The following KIF17 variants were observed in gnomAD, a reference collection of about 807,000 sequenced individuals.
KIF17 encodes the protein kinesin family member 17, also known as kinesin-like protein KIF17.
KIF17 carries 80 observed loss-of-function variants against 96.8 expected under a neutral mutation model. That is an observed-to-expected ratio of 0.83 (90% CI 0.69 to 1.00). The LOEUF (loss-of-function observed/expected upper bound fraction) is 1.00. KIF17 is among the 50% of genes least tolerant of loss of function. The probability of loss-of-function intolerance (pLI) is 0.00; values close to 1 mark genes in which losing one functional copy is unlikely to be tolerated. For synonymous variants in KIF17, 567 were observed against 587.5 expected (o/e 0.97, Z 0.51); for missense variants, 1,280 against 1,372.9 (o/e 0.93, Z 1.07).
chr1:20,707,367 G>A (rs896075139), intron 4 of KIF17, among the ~76,000 whole-genome samples: 5 of 152,210 alleles, frequency 3.3e-5, no homozygotes, highest in African/African-American at 4.8e-5. Context: ...ATGAAGACAC[G>A]GTGACAGTAA....
intron 5 of KIF17, among the ~76,000 whole-genome samples, chr1:20,703,741 G>A (rs1486816637): frequency 6.6e-6 from 1 of 152,060 alleles, no homozygotes; most frequent in Non-Finnish European, 1.5e-5. Context: ...GGGATGAATG[G>A]ACAGACAGAC....
In KIF17 at chr1:20,687,535, C is replaced by T. The variant is rs374828050; in HGVS notation, c.1791G>A (p.Pro597=). Residue 597 remains proline, a synonymous_variant, in exon 8 of 15, where the codon CCG becomes CCA. Transcript: ENST00000400463. The surrounding 1 kb of genome is among the most constrained non-coding windows in gnomAD (Gnocchi z 4.4). ...GHLLGEQNYL[P]QEEPQEVPLQ... ...GGGGCACCTCCTGCGGCTCCTCTTG[C>T]GGGAGGTAGTTCTGTTCCCCCAGCA... is the stretch of plus-strand genomic sequence containing the variant. The T allele has an allele frequency of 3.7e-5, 60 of 1,613,216 alleles. No individual in the cohort carries two copies. The highest frequency in any genetic ancestry group is 6.7e-5 in the East Asian group (3 of 44,856).
intron 6 of KIF17, 107 bp downstream of exon 6, chr1:20,698,272 G>T: frequency 3.9e-6 from 3 of 773,324 alleles, no homozygotes; most frequent in African/African-American, 1.7e-5. Context: ...CCAAACCCAC[G>T]GTGAAGGTAC....
intron 13 of KIF17, among the ~76,000 whole-genome samples, chr1:20,668,691 TG>T (rs900156526): frequency 1.3e-5 from 2 of 152,206 alleles, no homozygotes; most frequent in African/African-American, 4.8e-5. Flanking sequence ...ATATTTGTAA[TG>T]GCTTAAGGCA....
Position 20,682,730 on chromosome 1 carries a change from C to A in KIF17, c.2386G>T (p.Val796Leu). Residue 796 changes from valine to leucine, a missense_variant, in exon 11 of 15, where the codon GTG becomes TTG. Coordinates refer to ENST00000400463, the MANE Select transcript of KIF17 (RefSeq NM_001122819.3). ...QNSDEDSGDW[V>L]LLNVYDSIQE... is the part of the protein sequence containing the mutation. ...ATGGAGTCGTAGACGTTAAGCAGCA[C>A]CCAGTCCCCGCTGTCCTCATCCGAG... 6.2e-7 allele frequency: 1 copy of A among 1,613,594 alleles called. No homozygotes were observed. Among genetic ancestry groups the A allele is most frequent in the Non-Finnish European group, 8.5e-7 (1 of 1,180,046 alleles).
intron 1 of KIF17, among the ~76,000 whole-genome samples, chr1:20,716,109 G>A (rs1222605057): frequency 1.3e-5 from 2 of 152,138 alleles, no homozygotes; most frequent in Non-Finnish European, 2.9e-5. Context: ...TTAGCCGGGT[G>A]TGGTGGTGAG....
At chr1:20,663,896 C>A (rs1041745535), downstream of KIF17, 19 of 157,952 alleles carry the variant, frequency 1.2e-4, no homozygotes, top group African/African-American at 4.3e-4. Flanking sequence ...GCTGCAGAAA[C>A]CCTGGAGGTC....
chr1:20,696,548 G>A (rs932295507), intron 6 of KIF17, among the ~76,000 whole-genome samples: 3 of 151,852 alleles, frequency 2.0e-5, no homozygotes, highest in African/African-American at 7.3e-5. Context: ...ACCCCCATCC[G>A]TGGCACTCCA....
At position 20,704,387 on chromosome 1, in the gene KIF17, G is replaced by C; in HGVS notation, c.1123+60C>G. 6 of 1,391,484 alleles carry C rather than the reference G, an allele frequency of 4.3e-6. No homozygotes were observed. Among genetic ancestry groups the C allele is most frequent in the Non-Finnish European group, 6.0e-6 (6 of 997,350 alleles). The allele number at this position is 1,391,484 out of a possible 1,614,324, so 86.2% of individuals were successfully genotyped here. A position where few individuals can be genotyped will look rare whatever the true frequency, so the allele number is the denominator to read the frequency against. ...GGGAAGTTGGAGGCGAGAAGACAGA[G>C]GGAAGGAAGCTTTCTCCTGGGGACC... is the stretch of plus-strand genomic sequence containing the variant. On this transcript the variant is annotated intron_variant, in intron 5 of 14. Transcript: ENST00000400463. This position sits in a 1 kb window ranked among gnomAD's most constrained non-coding sequence, Gnocchi z 6.8.
intron 11 of KIF17, among the ~76,000 whole-genome samples, chr1:20,673,311 T>C (rs12118760): frequency 0.17 from 25,321 of 152,150 alleles, 2,769 homozygotes; most frequent in Non-Finnish European, 0.24. Flanking sequence ...AGGACATGGG[T>C]GGGCAGGACA....
In KIF17 at chr1:20,699,529, G is replaced by A. The variant is rs2054196160; in HGVS notation, c.1124-1041C>T. 6.6e-6 allele frequency among the ~76,000 whole-genome samples: 1 copy of A among 152,220 alleles called. No individual in the cohort carries two copies. Among genetic ancestry groups the A allele is most frequent in the African/African-American group, 2.4e-5 (1 of 41,454 alleles). On this transcript the variant is annotated intron_variant, in intron 5 of 14. Coordinates refer to ENST00000400463, the MANE Select transcript of KIF17 (RefSeq NM_001122819.3). This position sits in a 1 kb window ranked among gnomAD's most constrained non-coding sequence, Gnocchi z 4.3. ...TGCAGTGAGCTGAGATGGCGCCACTGCACTCCAGCCTGGGCGAAAGAGCAA... is the reference window on the plus strand; with the variant it reads ...TGCAGTGAGCTGAGATGGCGCCACTACACTCCAGCCTGGGCGAAAGAGCAA...
chr1:20,705,077 TTC>T (rs1195513860), intron 4 of KIF17, among the ~76,000 whole-genome samples, 178 bp from the exon 5 acceptor site: 1 of 152,104 alleles, frequency 6.6e-6, no homozygotes, highest in Non-Finnish European at 1.5e-5. Flanking sequence ...TAGACTGAGG[TTC>T]AGAGAGGGCA....
chr1:20,706,408 T>C (rs886677816), intron 4 of KIF17, among the ~76,000 whole-genome samples: 1 of 151,360 alleles, frequency 6.6e-6, no homozygotes, highest in Non-Finnish European at 1.5e-5. Context: ...CTGGCCAACA[T>C]GGTGAAACCT....
rs1156938285 is a variant in KIF17 at position 20,704,484 on chromosome 1, GGCCTTGAGCTTC to G, written c.1074_1085del (p.Lys358_Ala362delinsAsn). The G allele has an allele frequency of 6.2e-7, 1 of 1,614,056 alleles. No homozygotes were observed. Among genetic ancestry groups the G allele is most frequent in the African/African-American group, 1.3e-5 (1 of 74,932 alleles). On this transcript the variant is annotated inframe_deletion, in exon 5 of 15. Coordinates refer to ENST00000400463, the MANE Select transcript of KIF17 (RefSeq NM_001122819.3). The surrounding 1 kb of genome is among the most constrained non-coding windows in gnomAD (Gnocchi z 6.8). The stretch of plus-strand genomic sequence containing the variant: ...TGGGGCTCATCTGCTGTGTCAGGAT[GGCCTTGAGCTTC>G]TTGATCTCCTCCTGGTACTCGCGAA...
chr1:20,687,580 C>G lies in KIF17; in HGVS notation c.1746G>C (p.Gly582=). The G allele has an allele frequency of 6.2e-7, 1 of 1,614,038 alleles. No individual in the cohort carries two copies. The highest frequency in any genetic ancestry group is 8.5e-7 in the Non-Finnish European group (1 of 1,179,984). The stretch of plus-strand genomic sequence containing the variant: ...CCAGCAGGTGCCCAGCGGCCTCCTG[C>G]CCGAGGCACTCATCCAGGAAGTATC... ...RSRYFLDECL[G]QEAAGHLLGE... is the part of the protein sequence containing the mutation. Residue 582 remains glycine, a synonymous_variant, in exon 8 of 15, where the codon GGG becomes GGC. Coordinates refer to ENST00000400463, the MANE Select transcript of KIF17 (RefSeq NM_001122819.3). The surrounding 1 kb of genome is among the most constrained non-coding windows in gnomAD (Gnocchi z 4.4).
intron 8 of KIF17, 199 bp from the exon 9 acceptor site, chr1:20,686,325 A>T: frequency 1.6e-6 from 1 of 635,412 alleles, no homozygotes; most frequent in Non-Finnish European, 2.9e-6. Flanking sequence ...GAAACGGAAG[A>T]CAGGCGTGTG....
In KIF17 at chr1:20,700,398, A is replaced by T. The variant is rs1171618530; in HGVS notation, c.1124-1910T>A. Among the ~76,000 whole-genome samples the T allele has an allele frequency of 6.6e-6, 1 of 152,038 alleles. No homozygotes were observed. Among genetic ancestry groups the T allele is most frequent in the Non-Finnish European group, 1.5e-5 (1 of 67,998 alleles). On this transcript the variant is annotated intron_variant, in intron 5 of 14. Transcript: ENST00000400463. This position sits in a 1 kb window ranked among gnomAD's most constrained non-coding sequence, Gnocchi z 4.6. ...GCTGTAGCCAGTTTTGAAGGTGGAGATGGCAGGATCTGCTGACCAACTGGA... is the reference window on the plus strand; with the variant it reads ...GCTGTAGCCAGTTTTGAAGGTGGAGTTGGCAGGATCTGCTGACCAACTGGA...
downstream of KIF17, among the ~76,000 whole-genome samples, chr1:20,662,717 T>A (rs572040179): frequency 2.0e-5 from 3 of 152,122 alleles, no homozygotes; most frequent in Non-Finnish European, 4.4e-5. Flanking sequence ...AGCAGCCTCG[T>A]CCCCTCTCAG....
rs1570479256 is a variant in KIF17 at position 20,709,478 on chromosome 1, G to A, written c.670+161C>T. On this transcript the variant is annotated intron_variant, in intron 4 of 14. Transcript: ENST00000400463. This position sits in a 1 kb window ranked among gnomAD's most constrained non-coding sequence, Gnocchi z 4.7. ...TTGCTGCTGTTTATCCTGGGAACAC[G>A]GGTCCCAGCATCCCAAGGGTCCTCT... Among the ~76,000 whole-genome samples the A allele has an allele frequency of 6.6e-6, 1 of 152,142 alleles. No homozygotes were observed. Among genetic ancestry groups the A allele is most frequent in the South Asian group, 2.1e-4 (1 of 4,826 alleles).
Sources: gnomAD v4.1 joint callset for allele counts (sites outside exome capture counted in the v4.1 genomes callset) on GRCh38, gnomAD v4.1.1 for gene constraint, Gnocchi (gnomAD v3.1) non-coding constraint, MANE v1.5 for transcripts, NCBI Gene and HGNC (gene_info 2026-07-23, HGNC 2026-07-21) for gene names.